ERCC3: variants seen among roughly 807,000 people sequenced by gnomAD.
ERCC3 encodes the protein general transcription and DNA repair factor IIH helicase/translocase subunit XPB.
Under a neutral mutation model 94.2 loss-of-function variants are expected in ERCC3, and 66 were observed. The observed-to-expected ratio is 0.70, with a 90% CI of 0.57 to 0.86. The LOEUF is 0.86. ERCC3 is among the 40% of genes least tolerant of loss of function. The pLI is 0.00. For synonymous variants in ERCC3, 349 were observed against 369.1 expected (o/e 0.95, Z 0.63); for missense variants, 829 against 987.1 (o/e 0.84, Z 2.15).
Position 127,284,690 on chromosome 2 carries a change from T to C in ERCC3, c.1342+2013A>G, listed in dbSNP as rs909220582. ...TTACCCTAATCTGTTCATCTTTATT[T>C]TTTTTTTTTGAGACAGAGTCTCACA... On this transcript the variant is annotated intron_variant, in intron 8 of 14. Transcript: ENST00000285398. This position sits in a 1 kb window ranked among gnomAD's most constrained non-coding sequence, Gnocchi z 4.1. Among the ~76,000 whole-genome samples, 20 of 152,074 alleles carry C rather than the reference T, an allele frequency of 1.3e-4. No individual in the cohort carries two copies. Among genetic ancestry groups the C allele is most frequent in the African/African-American group, 4.6e-4 (19 of 41,456 alleles).
chr2:127,276,550 CA>C (rs1323464059), intron 10 of ERCC3, among the ~76,000 whole-genome samples: 2 of 151,362 alleles, frequency 1.3e-5, no homozygotes, highest in Non-Finnish European at 2.9e-5. Flanking sequence ...CAGAAATTAA[CA>C]AGTCTCAATA....
At position 127,261,367 on chromosome 2, in the gene ERCC3, C is replaced by T. The variant is rs3817088; in HGVS notation, c.1946-21G>A. Reference sequence around the variant, plus strand: ...CATCCCTGCAGGAAAAAATGAGAAACGGCAATAAAGAAGACAACATTAGCC... The same window carrying T: ...CATCCCTGCAGGAAAAAATGAGAAATGGCAATAAAGAAGACAACATTAGCC... On this transcript the variant is annotated intron_variant, in intron 12 of 14. Transcript: ENST00000285398. 2,537 of 1,422,750 alleles carry T rather than the reference C, an allele frequency of 1.8e-3. 43 individuals carry two copies. In the East Asian group the frequency reaches 0.021, roughly 12 times the overall value. The allele number at this position is 1,422,750 out of a possible 1,614,324, so 88.1% of individuals were successfully genotyped here. A position where few individuals can be genotyped will look rare whatever the true frequency, so the allele number is the denominator to read the frequency against.
In ERCC3 at chr2:127,257,591, A is replaced by G. The variant is rs758104976; in HGVS notation, c.*5T>C. On this transcript the variant is annotated 3_prime_UTR_variant, in exon 15 of 15. Coordinates refer to ENST00000285398, the MANE Select transcript of ERCC3 (RefSeq NM_000122.2). The surrounding 1 kb of genome is among the most constrained non-coding windows in gnomAD (Gnocchi z 5.4). Reference sequence around the variant, plus strand: ...CGGTCTTGAACGAAGTACCCTGCCTAAGCATCATTTCCTAAAGCGCTTGAA... The same window carrying G: ...CGGTCTTGAACGAAGTACCCTGCCTGAGCATCATTTCCTAAAGCGCTTGAA... The G allele has an allele frequency of 1.2e-6, 2 of 1,613,764 alleles. No individual in the cohort carries two copies. The highest frequency in any genetic ancestry group is 2.2e-5 in the South Asian group (2 of 91,066).
intron 12 of ERCC3, among the ~76,000 whole-genome samples, chr2:127,267,603 C>A (rs1180315403): frequency 6.6e-6 from 1 of 152,122 alleles, no homozygotes; most frequent in Non-Finnish European, 1.5e-5. Flanking sequence ...TGTTTACATT[C>A]AAGGTTAATA....
intron 10 of ERCC3, among the ~76,000 whole-genome samples, chr2:127,273,791 G>A (rs1038760082): frequency 7.0e-6 from 1 of 143,412 alleles, no homozygotes; most frequent in Non-Finnish European, 1.5e-5. Context: ...CCAGCTCCCT[G>A]CCAAAGGGTA....
Position 127,292,857 on chromosome 2 carries a change from C to T in ERCC3, c.235-11G>A, listed in dbSNP as rs1164346565. The T allele has an allele frequency of 1.3e-6, 2 of 1,539,476 alleles. No individual in the cohort carries two copies. The highest frequency in any genetic ancestry group is 2.7e-5 in the African/African-American group (2 of 73,466). ...ATGGCCATCGGGAGCCTGAGAGATA[C>T]CAAATGGACAAAACAGACAAGGAAA... On this transcript the variant is annotated splice_polypyrimidine_tract_variant and intron_variant, in intron 2 of 14. Coordinates refer to ENST00000285398, the MANE Select transcript of ERCC3 (RefSeq NM_000122.2).
chr2:127,290,634 G>A (rs891471842), intron 3 of ERCC3: 17 of 334,472 alleles, frequency 5.1e-5, no homozygotes, highest in Non-Finnish European at 6.9e-5. Context: ...CAGTAATTGC[G>A]GCTTAAATAA....
chr2:127,265,236 GTA>G (rs1369031759), intron 12 of ERCC3, among the ~76,000 whole-genome samples: 4 of 152,130 alleles, frequency 2.6e-5, no homozygotes, highest in African/African-American at 9.7e-5. Context: ...TTGGGAAGTT[GTA>G]TGTTTCCAGG....
At position 127,286,911 on chromosome 2, in the gene ERCC3, G is replaced by T; in HGVS notation, c.1134C>A (p.Phe378Leu). 3.7e-6 allele frequency: 6 copies of T among 1,614,220 alleles called. No individual in the cohort carries two copies. Among genetic ancestry groups the T allele is most frequent in the Non-Finnish European group, 5.1e-6 (6 of 1,180,030 alleles). Residue 378 changes from phenylalanine to leucine, a missense_variant, in exon 8 of 15, where the codon TTC becomes TTA. Physicochemically the swap from Phe to Leu is conservative, Grantham distance 22. Transcript: ENST00000285398. ...AVSVEQWKAQ[F>L]KMWSTIDDSQ... ...TGTCGTCAATGGTGGACCACATCTT[G>T]AACTGGGCTTTCCACTGCTCCACAG...
At chr2:127,281,450 A>G (rs1684907927) in intron 8 of ERCC3, among the ~76,000 whole-genome samples, 1 of 152,242 alleles carries the variant, frequency 6.6e-6, no homozygotes, top group Non-Finnish European at 1.5e-5. Flanking sequence ...TAAAATAAAC[A>G]CATAAAGGGT....
chr2:127,273,230 A>G (rs776364916), intron 10 of ERCC3, among the ~76,000 whole-genome samples: 1 of 152,048 alleles, frequency 6.6e-6, no homozygotes, highest in Non-Finnish European at 1.5e-5. Flanking sequence ...TCCTGCTTCA[A>G]CATCTCTTAC....
intron 1 of ERCC3, 122 bp from the exon 2 acceptor site, chr2:127,293,840 G>A: frequency 6.3e-7 from 1 of 1,578,358 alleles, no homozygotes; most frequent in Non-Finnish European, 8.6e-7. Flanking sequence ...GCATCCCGCA[G>A]GCGTTGCGCC....
chr2:127,262,698 T>G (rs1199165492), intron 12 of ERCC3: 2 of 152,236 alleles, frequency 1.3e-5, no homozygotes, highest in African/African-American at 4.8e-5. Flanking sequence ...TGGGAGCTGA[T>G]GAGAATATTC....
chr2:127,269,822 G>A (rs1684494222), intron 12 of ERCC3, among the ~76,000 whole-genome samples: 1 of 151,798 alleles, frequency 6.6e-6, no homozygotes, highest in African/African-American at 2.4e-5. Flanking sequence ...CTAGAGACGA[G>A]CCTGGCCAAA....
At chr2:127,266,440 A>G (rs980722460) in intron 12 of ERCC3, among the ~76,000 whole-genome samples, 3 of 142,408 alleles carry the variant, frequency 2.1e-5, no homozygotes, top group African/African-American at 8.2e-5. Context: ...GGTTCACGCC[A>G]TTCTCCTGCC....
chr2:127,294,095 G>A lies in ERCC3; in HGVS notation c.-14C>T, dbSNP rs779765703. 108 of 1,606,850 alleles carry A rather than the reference G, an allele frequency of 6.7e-5. No homozygotes were observed. Among genetic ancestry groups the A allele is most frequent in the African/African-American group, 8.0e-5 (6 of 74,918 alleles). ...TCTTTTGCCCATGGCAGCTACAGCA[G>A]CAGAGAGAAGATGACCCCGCTCCCA... On this transcript the variant is annotated 5_prime_UTR_variant, in exon 1 of 15. Coordinates refer to ENST00000285398, the MANE Select transcript of ERCC3 (RefSeq NM_000122.2).
At chr2:127,261,533 C>A in intron 12 of ERCC3, 187 bp from the exon 13 acceptor site, 2 of 624,478 alleles carry the variant, frequency 3.2e-6, no homozygotes, top group Admixed American at 5.3e-5. Flanking sequence ...AGGACACCAT[C>A]AAGTGAAAAA....
chr2:127,293,982 A>G, intron 1 of ERCC3, 72 bp downstream of exon 1: 1 of 1,576,998 alleles, frequency 6.3e-7, no homozygotes, highest in Non-Finnish European at 8.6e-7. Context: ...GGCCCGGAGC[A>G]GCTCCGAGGC....
At chr2:127,287,747 A>G (rs919942858) in intron 7 of ERCC3, among the ~76,000 whole-genome samples, 4 of 152,208 alleles carry the variant, frequency 2.6e-5, no homozygotes, top group Non-Finnish European at 5.9e-5. Flanking sequence ...AGAAGGAGGC[A>G]CTCGGCAAAA....
Sources: allele counts gnomAD v4.1 joint callset (sites outside exome capture counted in the v4.1 genomes callset), GRCh38; gene constraint gnomAD v4.1.1; non-coding constraint Gnocchi (gnomAD v3.1); transcripts MANE v1.5; gene names NCBI Gene and HGNC (gene_info 2026-07-23, HGNC 2026-07-21).